Variants in URGCP observed in about 807,000 individuals in gnomAD.
The protein encoded by URGCP is upregulator of cell proliferation.
Under a neutral mutation model 24.6 loss-of-function variants are expected in URGCP, and 13 were observed. The observed-to-expected ratio is 0.53, with a 90% confidence interval of 0.34 to 0.84. The LOEUF (loss-of-function observed/expected upper bound fraction) is 0.84, where lower values mean the gene tolerates loss of function less well. URGCP is among the 40% of genes least tolerant of loss of function. The pLI is 0.01. For missense variants in URGCP, 899 were observed against 1,194.3 expected, an observed-to-expected ratio of 0.75 and a Z score of 3.64; for synonymous variants, 444 against 487.2, an observed-to-expected ratio of 0.91 and a Z score of 1.17.
chr7:43,897,368 G>A (rs2095880522), intron 1 of URGCP, among the ~76,000 whole-genome samples: 1 of 152,200 alleles, frequency 6.6e-6, no homozygotes, highest in African/African-American at 2.4e-5. Flanking sequence ...TACTGGTTTG[G>A]AAGGAGGTGA....
At chr7:43,891,128 C>T (rs2095870042) in intron 1 of URGCP, among the ~76,000 whole-genome samples, 1 of 152,196 alleles carries the variant, frequency 6.6e-6, no homozygotes, top group Admixed American at 6.5e-5. Context: ...TGCTGACCTA[C>T]CTCAGAATAT....
chr7:43,912,363 G>C (rs1335144731), intron 1 of URGCP, among the ~76,000 whole-genome samples: 1 of 152,158 alleles, frequency 6.6e-6, no homozygotes, highest in Non-Finnish European at 1.5e-5. Context: ...GCCAGGCGTG[G>C]TGGCGCACGC....
At chr7:43,887,593 C>T in intron 2 of URGCP, 108 bp from the exon 3 acceptor site, 1 of 1,503,776 alleles carries the variant, frequency 6.6e-7, no homozygotes, top group Non-Finnish European at 8.9e-7. Flanking sequence ...AAACTATAAA[C>T]CCTGGGTCAC....
At chr7:43,925,982 G>A (rs1163751315) in intron 1 of URGCP, 2 of 152,160 alleles carry the variant, frequency 1.3e-5, no homozygotes, top group Non-Finnish European at 2.9e-5. Flanking sequence ...GGTTCTCAAT[G>A]TTGGCAGTGC....
Position 43,876,917 on chromosome 7 carries a change from G to A in URGCP, c.2546C>T (p.Ala849Val). The A allele has an allele frequency of 6.2e-7, 1 of 1,614,012 alleles. No homozygotes were observed. The highest frequency in any genetic ancestry group is 1.3e-5 in the African/African-American group (1 of 75,070). Residue 849 changes from alanine to valine, a missense_variant, in exon 6 of 6, where the codon GCA (alanine) becomes GTA (valine). Coordinates refer to ENST00000453200, the MANE Select transcript of URGCP (RefSeq NM_001077663.3). ...GTCGCCCTGTTTCTCCATCTGGGCT[G>A]CAGCCCTGCTCAGGTCACCAGGTGG... ...LDPPGDLSRAAAQMEKQGDGF... is the reference protein window; with the variant it reads ...LDPPGDLSRAVAQMEKQGDGF...
At chr7:43,916,907 A>G (rs1001321132) in intron 1 of URGCP, among the ~76,000 whole-genome samples, 1 of 152,164 alleles carries the variant, frequency 6.6e-6, no homozygotes, top group Admixed American at 6.5e-5. Context: ...CTAGATGAGT[A>G]GGCATACATC....
intron 1 of URGCP, chr7:43,918,982 AT>A: frequency 3.1e-6 from 4 of 1,292,846 alleles, no homozygotes; most frequent in Non-Finnish European, 4.5e-6. Flanking sequence ...CTGTCGGAGC[AT>A]GGGGGAAGAG....
chr7:43,896,675 T>C (rs985994223), intron 1 of URGCP, among the ~76,000 whole-genome samples: 5 of 152,032 alleles, frequency 3.3e-5, no homozygotes, highest in African/African-American at 1.2e-4. Context: ...ACATTACCAT[T>C]AAGTTGGAGA....
intron 5 of URGCP, among the ~76,000 whole-genome samples, chr7:43,880,022 C>T (rs1362625789): frequency 6.6e-6 from 1 of 151,820 alleles, no homozygotes; most frequent in Admixed American, 6.6e-5. Flanking sequence ...CTCCTGGGCT[C>T]AAGAGATCCT....
chr7:43,906,917 A>G (rs1385168609), upstream of URGCP: 1 of 183,676 alleles, frequency 5.4e-6, no homozygotes, highest in Non-Finnish European at 1.1e-5. Flanking sequence ...ACCTTTCTGT[A>G]ATTGGAGTTT....
At chr7:43,892,281 TG>T (rs1364442655) in intron 1 of URGCP, among the ~76,000 whole-genome samples, 1 of 146,802 alleles carries the variant, frequency 6.8e-6, no homozygotes, top group Non-Finnish European at 1.5e-5. Flanking sequence ...TGGAGTGCAG[TG>T]GTGCAATCTC....
upstream of URGCP, among the ~76,000 whole-genome samples, chr7:43,909,685 A>G (rs2095907916): frequency 6.6e-6 from 1 of 151,476 alleles, no homozygotes; most frequent in African/African-American, 2.4e-5. Flanking sequence ...CAGCCACTGC[A>G]CTCTAGCCTG....
rs80083770 is a variant in URGCP, at chr7:43,885,714, G to A, written c.112+1701C>T. 7.2e-4 allele frequency among the ~76,000 whole-genome samples: 109 copies of A among 152,148 alleles called. 1 individual carries two copies. The East Asian group carries it at 0.021, about 29-fold the overall frequency. The stretch of plus-strand genomic sequence containing the variant: ...TCCAATAAGGCCATTCCCTCTCCTC[G>A]CCCCATCCCCATGCTTTCTTTCTCA... On this transcript the variant is annotated intron_variant, in intron 3 of 5. Transcript: ENST00000453200.
intron 1 of URGCP, among the ~76,000 whole-genome samples, chr7:43,925,379 T>C (rs964430433): frequency 3.9e-5 from 6 of 152,242 alleles, no homozygotes; most frequent in African/African-American, 1.4e-4. Flanking sequence ...GCCACTTTCA[T>C]GCTCAAACAT....
chr7:43,906,529 G>A lies in URGCP; in HGVS notation c.14+33C>T, dbSNP rs189275386. On this transcript the variant is annotated intron_variant, in intron 1 of 5. Transcript: ENST00000453200. ...CCCGCTCCCGTTCCTGCCGGCAGCC[G>A]CGGGGGCGCAGGGCCTGCGAGGCGG... The A allele has an allele frequency of 6.6e-6, 8 of 1,210,716 alleles. No homozygotes were observed. The African/African-American group carries it at 1.1e-4, about 17-fold the overall frequency. The allele number at this position is 1,210,716 out of a possible 1,614,324, so 75.0% of individuals were successfully genotyped here.
chr7:43,879,236 A>G lies in URGCP; in HGVS notation c.227T>C (p.Met76Thr). Residue 76 changes from methionine to threonine, a missense_variant, in exon 6 of 6, where the codon ATG becomes ACG. Transcript: ENST00000453200. ...PTVERSRLQE[M>T]LSLLGLETYQ... is the part of the protein sequence containing the mutation. The stretch of plus-strand genomic sequence containing the variant: ...CGTCTCTAGGCCCAAAAGTGACAGC[A>G]TTTCTTGAAGCCTGCTTCTCTCCAC... 1 of 1,611,220 alleles carries G rather than the reference A, an allele frequency of 6.2e-7. No individual in the cohort carries two copies. The highest frequency in any genetic ancestry group is 8.5e-7 in the Non-Finnish European group (1 of 1,179,290).
chr7:43,906,279 G>C (rs1456263623), intron 1 of URGCP: 1 of 163,252 alleles, frequency 6.1e-6, no homozygotes, highest in African/African-American at 2.4e-5. Flanking sequence ...TCCGGGCCTC[G>C]CGCCCTCCCC....
At chr7:43,899,389 G>A (rs544470210) in intron 1 of URGCP, among the ~76,000 whole-genome samples, 1 of 150,546 alleles carries the variant, frequency 6.6e-6, no homozygotes, top group Non-Finnish European at 1.5e-5. Flanking sequence ...AAAATGCCAG[G>A]ATTATAAGCA....
intron 1 of URGCP, among the ~76,000 whole-genome samples, chr7:43,917,235 C>T (rs1206266796): frequency 6.6e-6 from 1 of 152,300 alleles, no homozygotes; most frequent in African/African-American, 2.4e-5. Context: ...TGATAAGGAT[C>T]ACTGTTTATA....
Sources: gnomAD v4.1 joint callset for allele counts (sites outside exome capture counted in the v4.1 genomes callset) on GRCh38, gnomAD v4.1.1 for gene constraint, MANE v1.5 for transcripts, NCBI Gene and HGNC (gene_info 2026-07-23, HGNC 2026-07-21) for gene names.